The following PARD3 variants were observed in gnomAD, a reference collection of about 807,000 sequenced individuals.
The protein encoded by PARD3 is partitioning defective 3 homolog.
Under a neutral mutation model 155.4 loss-of-function variants are expected in PARD3, and 75 were observed. The ratio of observed to expected loss-of-function variants is 0.48; its 90% CI spans 0.40 to 0.58. The LOEUF (loss-of-function observed/expected upper bound fraction) is 0.58. Ranked by LOEUF, PARD3 falls within the 20% of genes least tolerant of loss-of-function variation. The probability of loss-of-function intolerance (pLI) is 0.00; values close to 1 mark genes in which losing one functional copy is unlikely to be tolerated. For missense variants in PARD3, 1,642 were observed against 1,721.7 expected (o/e 0.95, Z 0.82); for synonymous variants, 576 against 610.5 (o/e 0.94, Z 0.83).
intron 12 of PARD3, among the ~76,000 whole-genome samples, chr10:34,362,280 C>G (rs1050995669): frequency 2.6e-5 from 4 of 152,070 alleles, no homozygotes; most frequent in African/African-American, 9.7e-5. Context: ...GCCTGGGCGA[C>G]AGAGCAAGAC....
chr10:34,572,839 A>G (rs1055204724), intron 2 of PARD3, among the ~76,000 whole-genome samples: 2 of 152,112 alleles, frequency 1.3e-5, no homozygotes, highest in East Asian at 1.9e-4. Context: ...CATAACAACT[A>G]GCTGTGGTAT....
chr10:34,277,521 A>G (rs1214549732), intron 21 of PARD3, among the ~76,000 whole-genome samples: 1 of 152,112 alleles, frequency 6.6e-6, no homozygotes, highest in African/African-American at 2.4e-5. Flanking sequence ...ATTAGGGTAA[A>G]AGTTGATTGA....
intron 5 of PARD3, among the ~76,000 whole-genome samples, chr10:34,429,553 A>AGTTTTGTTTTGTTTTGTTTTGTTTT (rs58220151): frequency 2.8e-5 from 4 of 145,238 alleles, no homozygotes; most frequent in African/African-American, 7.7e-5. Flanking sequence ...ACTCTAACTC[A>AGTTTTGTTTTGTTTTGTTTTGTTTT]GTTTTGTTTT....
intron 2 of PARD3, among the ~76,000 whole-genome samples, chr10:34,647,861 G>A (rs1237376067): frequency 6.6e-6 from 1 of 152,186 alleles, no homozygotes; most frequent in East Asian, 1.9e-4. Flanking sequence ...TGTATTGTTT[G>A]AAGCTAGCAG....
intron 7 of PARD3, among the ~76,000 whole-genome samples, chr10:34,393,144 A>AG (rs1339726463): frequency 7.3e-6 from 1 of 136,312 alleles, no homozygotes; most frequent in Non-Finnish European, 1.6e-5. Context: ...AGTAGATACT[A>AG]GATCTTAAAA....
intron 5 of PARD3, among the ~76,000 whole-genome samples, chr10:34,421,924 GT>G (rs1218815164): frequency 1.3e-5 from 2 of 152,126 alleles, no homozygotes; most frequent in Non-Finnish European, 2.9e-5. Flanking sequence ...GTAAACAGAG[GT>G]CAGAGAAGGT....
chr10:34,145,207 ATATATATATATATAT>A (rs1259181112), intron 22 of PARD3, among the ~76,000 whole-genome samples: 5 of 63,094 alleles, frequency 7.9e-5, no homozygotes, highest in African/African-American at 4.4e-4. Flanking sequence ...ATATATATAT[ATATATATATATATAT>A]TTTTTTTTTT....
intron 2 of PARD3, among the ~76,000 whole-genome samples, chr10:34,639,878 C>A (rs2092613345): frequency 6.6e-6 from 1 of 151,868 alleles, no homozygotes; most frequent in Admixed American, 6.6e-5. Flanking sequence ...ACACACACCA[C>A]ACACACACAG....
intron 10 of PARD3, among the ~76,000 whole-genome samples, chr10:34,375,358 C>G (rs976468577): frequency 6.6e-6 from 1 of 152,038 alleles, no homozygotes; most frequent in African/African-American, 2.4e-5. Flanking sequence ...ATTTTGATAG[C>G]CTTGTGCATC....
At chr10:34,694,905 A>G (rs532799344) in intron 2 of PARD3, among the ~76,000 whole-genome samples, 1 of 152,316 alleles carries the variant, frequency 6.6e-6, no homozygotes, top group Non-Finnish European at 1.5e-5. Context: ...TGAACAAGAC[A>G]CAACAGCTGT....
rs549620057 is a variant in PARD3, at chr10:34,537,831, A to G, written c.223-20672T>C. 4.6e-5 allele frequency among the ~76,000 whole-genome samples: 7 copies of G among 152,348 alleles called. No homozygotes were observed. In the South Asian group the frequency reaches 1.4e-3, roughly 32 times the overall value. On this transcript the variant is annotated intron_variant, in intron 2 of 24. Transcript: ENST00000374788. The stretch of plus-strand genomic sequence containing the variant: ...GAAACACAACTCTGATTAGACAATT[A>G]ACATCCAGGCTGCCTAAAACTAAAA...
intron 1 of PARD3, among the ~76,000 whole-genome samples, chr10:34,750,700 TTTTTTTGAGATGGAG>T (rs1835920983): frequency 1.3e-5 from 2 of 151,980 alleles, no homozygotes; most frequent in South Asian, 2.1e-4. Flanking sequence ...AATTTTTTTT[TTTTTTTGAGATGGAG>T]TCTCACTCTG....
At chr10:34,725,601 C>G (rs1356680497) in intron 1 of PARD3, among the ~76,000 whole-genome samples, 1 of 152,082 alleles carries the variant, frequency 6.6e-6, no homozygotes, top group African/African-American at 2.4e-5. Flanking sequence ...AAAAATCTAC[C>G]CTTGGGGGGG....
chr10:34,496,468 C>T (rs891383845), intron 3 of PARD3, among the ~76,000 whole-genome samples: 3 of 152,106 alleles, frequency 2.0e-5, no homozygotes, highest in Non-Finnish European at 4.4e-5. Flanking sequence ...CCACACTGTC[C>T]CCATCTGCTG....
intron 19 of PARD3, among the ~76,000 whole-genome samples, chr10:34,321,889 A>G (rs761837848): frequency 6.6e-6 from 1 of 152,066 alleles, no homozygotes; most frequent in Non-Finnish European, 1.5e-5. Flanking sequence ...TAAATAATCT[A>G]TTTCTATCTA....
At chr10:34,425,367 C>T (rs1220122285) in intron 5 of PARD3, among the ~76,000 whole-genome samples, 1 of 152,192 alleles carries the variant, frequency 6.6e-6, no homozygotes, top group Non-Finnish European at 1.5e-5. Flanking sequence ...CACTAACAAA[C>T]AACTCTCAAC....
chr10:34,382,107 G>C (rs567860151), intron 9 of PARD3, among the ~76,000 whole-genome samples: 3 of 152,164 alleles, frequency 2.0e-5, no homozygotes, highest in African/African-American at 7.2e-5. Context: ...CAAATACTGA[G>C]ATTGACGTGC....
chr10:34,399,553 G>A (rs1843679694), intron 6 of PARD3, 140 bp from the exon 7 acceptor site: 5 of 647,300 alleles, frequency 7.7e-6, no homozygotes, highest in African/African-American at 5.5e-5. Flanking sequence ...CCCACCAAGT[G>A]CATAGGCATA....
chr10:34,488,934 G>T, intron 3 of PARD3: 1 of 152,834 alleles, frequency 6.5e-6, no homozygotes, highest in Non-Finnish European at 1.5e-5. Flanking sequence ...TGTTCTGCCG[G>T]GTTCCCAGCA....
Sources: allele counts gnomAD v4.1 joint callset (sites outside exome capture counted in the v4.1 genomes callset), GRCh38; gene constraint gnomAD v4.1.1; transcripts MANE v1.5; gene names NCBI Gene and HGNC (gene_info 2026-07-23, HGNC 2026-07-21).